DHDDS: variants seen among roughly 807,000 people sequenced by gnomAD.
The protein encoded by DHDDS is dehydrodolichyl diphosphate synthase subunit.
Under a neutral mutation model 46.2 loss-of-function variants are expected in DHDDS, and 16 were observed. That is an observed-to-expected ratio of 0.35 (90% CI 0.23 to 0.53). The LOEUF (loss-of-function observed/expected upper bound fraction) is 0.53. DHDDS is among the 20% of genes least tolerant of loss of function. The probability of loss-of-function intolerance (pLI) is 0.94; values close to 1 mark genes in which losing one functional copy is unlikely to be tolerated. For synonymous variants in DHDDS, 151 were observed against 163.1 expected (o/e 0.93, Z 0.56); for missense variants, 340 against 423.7 (o/e 0.80, Z 1.73).
At chr1:26,451,113 C>G (rs541791163) in intron 6 of DHDDS, among the ~76,000 whole-genome samples, 49 of 152,222 alleles carry the variant, frequency 3.2e-4, no homozygotes, top group African/African-American at 1.2e-3. Context: ...TAGTAACTTG[C>G]CTCTGTGGGG....
chr1:26,444,067 A>G (rs2075244017), intron 4 of DHDDS, among the ~76,000 whole-genome samples: 1 of 152,234 alleles, frequency 6.6e-6, no homozygotes, highest in South Asian at 2.1e-4. Flanking sequence ...CTGAGCTATC[A>G]TCTACTACAC....
intron 6 of DHDDS, among the ~76,000 whole-genome samples, chr1:26,457,476 A>G (rs2075381333): frequency 6.6e-6 from 1 of 151,776 alleles, no homozygotes; most frequent in Non-Finnish European, 1.5e-5. Context: ...TCTCAAATAA[A>G]TAAATAAATA....
At chr1:26,465,272 G>A (rs1449998606) in intron 8 of DHDDS, among the ~76,000 whole-genome samples, 1 of 152,134 alleles carries the variant, frequency 6.6e-6, no homozygotes, top group African/African-American at 2.4e-5. Flanking sequence ...CAATTTAAAC[G>A]GGCTGGATTG....
intron 3 of DHDDS, among the ~76,000 whole-genome samples, chr1:26,439,101 T>C (rs1418739421): frequency 6.6e-6 from 1 of 152,138 alleles, no homozygotes; most frequent in Non-Finnish European, 1.5e-5. Context: ...ACTAATTTTT[T>C]TGTATTTTTA....
At chr1:26,442,948 T>C (rs911928095) in intron 4 of DHDDS, 75 bp downstream of exon 4, 1 of 1,609,794 alleles carries the variant, frequency 6.2e-7, no homozygotes, top group Non-Finnish European at 8.5e-7. Flanking sequence ...AATTCTGTTA[T>C]CTGAGGCTTA....
intron 4 of DHDDS, among the ~76,000 whole-genome samples, chr1:26,444,602 T>C (rs762912795): frequency 2.6e-5 from 4 of 151,948 alleles, no homozygotes; most frequent in Non-Finnish European, 4.4e-5. Flanking sequence ...AAAAATTAAC[T>C]GGGGATGGTG....
chr1:26,455,108 T>G, intron 6 of DHDDS: 1 of 799,696 alleles, frequency 1.3e-6, no homozygotes, highest in Non-Finnish European at 2.3e-6. Context: ...ACGAATATTC[T>G]TAAAGTAAAC....
chr1:26,433,179 G>A lies in DHDDS; in HGVS notation c.63+171G>A. On this transcript the variant is annotated intron_variant, in intron 2 of 8. Transcript: ENST00000236342. ...AACTTCCAGGTCTACATTTCTGGTA[G>A]ACTTTTGTCCTAACTCTGATATTTT... 6.8e-6 allele frequency: 5 copies of A among 730,232 alleles called. No individual in the cohort carries two copies. In the South Asian group the frequency reaches 8.5e-5, roughly 12 times the overall value. The allele number at this position is 730,232 out of a possible 1,614,324, so 45.2% of individuals were successfully genotyped here.
chr1:26,447,253 G>C (rs1167147232), intron 5 of DHDDS, among the ~76,000 whole-genome samples: 1 of 152,168 alleles, frequency 6.6e-6, no homozygotes, highest in African/African-American at 2.4e-5. Flanking sequence ...CCAGGAGGCA[G>C]AGGTTGCAGT....
chr1:26,446,615 TTA>T (rs2075271569), intron 5 of DHDDS, among the ~76,000 whole-genome samples, 183 bp downstream of exon 5: 1 of 152,138 alleles, frequency 6.6e-6, no homozygotes, highest in Admixed American at 6.5e-5. Flanking sequence ...CAATAACATG[TTA>T]TATGTGTGTA....
chr1:26,435,159 G>C (rs545603062), intron 2 of DHDDS, among the ~76,000 whole-genome samples: 37 of 149,012 alleles, frequency 2.5e-4, no homozygotes, highest in African/African-American at 8.9e-4. Flanking sequence ...ACAGGCGCTC[G>C]CCACCACGCC....
chr1:26,441,976 G>C (rs1456513932), intron 3 of DHDDS, among the ~76,000 whole-genome samples: 3 of 149,802 alleles, frequency 2.0e-5, no homozygotes, highest in Non-Finnish European at 4.4e-5. Flanking sequence ...ATCAACTTCT[G>C]TTCTACCTCC....
At chr1:26,464,905 G>A (rs1375188245) in intron 8 of DHDDS, among the ~76,000 whole-genome samples, 3 of 152,192 alleles carry the variant, frequency 2.0e-5, no homozygotes, top group Non-Finnish European at 4.4e-5. Flanking sequence ...CGGGTGGATC[G>A]TAAGGGAAGC....
chr1:26,463,925 TG>T (rs1247743788), intron 8 of DHDDS, among the ~76,000 whole-genome samples: 1 of 151,592 alleles, frequency 6.6e-6, no homozygotes, highest in Non-Finnish European at 1.5e-5. Flanking sequence ...TTTCCTGGGA[TG>T]GGGTGGAAGG....
intron 6 of DHDDS, among the ~76,000 whole-genome samples, chr1:26,457,010 T>C (rs985157157): frequency 6.6e-6 from 1 of 152,186 alleles, no homozygotes; most frequent in Non-Finnish European, 1.5e-5. Context: ...GGCCATAGGA[T>C]GTATGTATGT....
At chr1:26,465,110 C>T (rs1442765030) in intron 8 of DHDDS, among the ~76,000 whole-genome samples, 1 of 152,164 alleles carries the variant, frequency 6.6e-6, no homozygotes, top group Non-Finnish European at 1.5e-5. Context: ...CAGTGCAGAG[C>T]AGCTGATCCT....
intron 5 of DHDDS, 149 bp from the exon 6 acceptor site, chr1:26,447,410 T>TA (rs1026520306): frequency 1.4e-6 from 1 of 701,620 alleles, no homozygotes; most frequent in African/African-American, 1.8e-5. Flanking sequence ...AAAAAACTCA[T>TA]AATTTCACCT....
chr1:26,462,845 A>T (rs1446809084), intron 8 of DHDDS: 1 of 152,264 alleles, frequency 6.6e-6, no homozygotes, highest in Non-Finnish European at 1.5e-5. Flanking sequence ...GAGGGACAAG[A>T]TCTCTACCTT....
chr1:26,441,707 C>A (rs1375954198), intron 3 of DHDDS, among the ~76,000 whole-genome samples: 1 of 151,900 alleles, frequency 6.6e-6, no homozygotes, highest in African/African-American at 2.4e-5. Context: ...CCAGCCTGGT[C>A]AGCATGGCGA....
Sources: allele counts gnomAD v4.1 joint callset (sites outside exome capture counted in the v4.1 genomes callset), GRCh38; gene constraint gnomAD v4.1.1; transcripts MANE v1.5; gene names NCBI Gene and HGNC (gene_info 2026-07-23, HGNC 2026-07-21).